The following TRMT1 variants were observed in gnomAD, a reference collection of about 807,000 sequenced individuals.
TRMT1 encodes the protein tRNA methyltransferase 1.
Under a neutral mutation model 75.4 loss-of-function variants are expected in TRMT1, and 63 were observed. The ratio of observed to expected loss-of-function variants is 0.84; its 90% CI spans 0.68 to 1.03. TRMT1 has a LOEUF of 1.03. TRMT1 is among the 50% of genes least tolerant of loss of function. The pLI is 0.00. For missense variants in TRMT1, 870 were observed against 905.3 expected (o/e 0.96, Z 0.50); for synonymous variants, 382 against 358.1 (o/e 1.07, Z -0.75).
intron 7 of TRMT1, 91 bp from the exon 8 acceptor site, chr19:13,110,397 G>C: frequency 7.1e-7 from 1 of 1,415,218 alleles, no homozygotes; most frequent in Non-Finnish European, 9.4e-7. Flanking sequence ...CAGGCTCAGG[G>C]CCAGCTCCCT....
rs530876556 is a variant in TRMT1, at chr19:13,109,799, G to A, written c.1146C>T (p.Pro382=). The change falls in exon 10 of 17, where the codon CCC becomes CCT. Residue 382 remains proline, a synonymous_variant. Transcript: ENST00000357720. ...GTCGTTGCCCACAGTGTTCACACTC[G>A]GGGGTCACAGGGGGACCACAGGCTG... ...FSAACGPPVT[P]ECEHCGQRHQ... 1.7e-5 allele frequency: 28 copies of A among 1,614,076 alleles called. No homozygotes were observed. The highest frequency in any genetic ancestry group is 1.6e-4 in the Middle Eastern group (1 of 6,062).
chr19:13,106,914 C>G (rs572019276), intron 14 of TRMT1, among the ~76,000 whole-genome samples: 18 of 151,318 alleles, frequency 1.2e-4, no homozygotes, highest in African/African-American at 4.4e-4. Flanking sequence ...GCTCTGCCCC[C>G]CGGGGTTCAC....
rs781204470 is a variant in TRMT1 at position 13,109,964 on chromosome 19, C to A, written c.1057G>T (p.Ala353Ser). The A allele has an allele frequency of 2.4e-5, 39 of 1,613,624 alleles. No homozygotes were observed. The highest frequency in any genetic ancestry group is 3.3e-5 in the Non-Finnish European group (39 of 1,179,946). ...TTGCCGAGACGCTGAAGGTGGAAGGCCCCGCAGCCCACACACTGGAACACC... is the reference window on the plus strand; with the variant it reads ...TTGCCGAGACGCTGAAGGTGGAAGGACCCGCAGCCCACACACTGGAACACC... The part of the protein sequence containing the change: ...ALVFQCVGCG[A>S]FHLQRLGKAS... The change falls in exon 9 of 17, where the codon GCC becomes TCC. Residue 353 changes from alanine (A) to serine (S), a missense_variant. Ala to Ser is a moderately conservative substitution (Grantham distance 99, BLOSUM62 1). Transcript: ENST00000357720.
In TRMT1 at chr19:13,116,151, G is replaced by A. The variant is rs937550287; in HGVS notation, c.249C>T (p.Asp83=). Residue 83 remains aspartate, a synonymous_variant, in exon 2 of 17, where the codon GAC becomes GAT. Coordinates refer to ENST00000357720, the MANE Select transcript of TRMT1 (RefSeq NM_001136035.4). ...FYNPVQEFNR[D]LTCAVITEFA... is the part of the protein sequence containing the mutation. ...AACGTCTGACCCCTGCTCACGTCAG[G>A]TCCCGATTGAATTCCTGCACCGGGT... 4 of 1,614,086 alleles carry A rather than the reference G, an allele frequency of 2.5e-6. No homozygotes were observed. Among genetic ancestry groups the A allele is most frequent in the Non-Finnish European group, 3.4e-6 (4 of 1,180,030 alleles).
chr19:13,113,085 G>T (rs915598439), intron 5 of TRMT1, 74 bp from the exon 6 acceptor site: 1 of 1,134,698 alleles, frequency 8.8e-7, no homozygotes, highest in Admixed American at 2.7e-5. Context: ...ATATTAACTC[G>T]TACAGCACAG....
chr19:13,109,332 GCCACCCT>G, intron 12 of TRMT1, 42 bp downstream of exon 12: 6 of 1,601,528 alleles, frequency 3.7e-6, no homozygotes, highest in Non-Finnish European at 5.1e-6. Flanking sequence ...CTTGCCCCAG[GCCACCCT>G]GTGGTCTGGG....
chr19:13,105,141 C>A, intron 16 of TRMT1, 60 bp from the exon 17 acceptor site: 1 of 1,548,236 alleles, frequency 6.5e-7, no homozygotes, highest in Non-Finnish European at 8.7e-7. Context: ...CTGATGGGAT[C>A]CTTTCCTGGG....
intron 12 of TRMT1, among the ~76,000 whole-genome samples, chr19:13,108,288 C>CTTT (rs2018974783): frequency 7.1e-6 from 1 of 140,412 alleles, no homozygotes; most frequent in African/African-American, 2.7e-5. Flanking sequence ...CGTGCCTGGC[C>CTTT]TTCTTATTTA....
chr19:13,115,731 G>A lies in TRMT1; in HGVS notation c.348C>T (p.Val116=), dbSNP rs1225142504. The part of the protein sequence containing the change: ...VPGEKDTQKV[V]VDLSEQEEEK... ...CCTCCTCTTGCTCTGACAAGTCCAC[G>A]ACCACTTTTTGCGTGTCCTTCTCTC... Residue 116 remains valine, a synonymous_variant, in exon 4 of 17, where the codon GTC becomes GTT. Coordinates refer to ENST00000357720, the MANE Select transcript of TRMT1 (RefSeq NM_001136035.4). The A allele has an allele frequency of 1.2e-6, 2 of 1,613,782 alleles. No homozygotes were observed. Among genetic ancestry groups the A allele is most frequent in the Admixed American group, 1.7e-5 (1 of 59,986 alleles).
Position 13,115,393 on chromosome 19 carries a change from C to T in TRMT1, c.527G>A (p.Gly176Glu), listed in dbSNP as rs1301740314. 2 of 1,614,106 alleles carry T rather than the reference C, an allele frequency of 1.2e-6. No homozygotes were observed. The highest frequency in any genetic ancestry group is 8.5e-7 in the Non-Finnish European group (1 of 1,180,042). Residue 176 changes from glycine (G) to glutamate (E), a missense_variant, in exon 5 of 17, where the codon GGG becomes GAG. Gly to Glu is a moderately conservative substitution (Grantham distance 98, BLOSUM62 -2). Coordinates refer to ENST00000357720, the MANE Select transcript of TRMT1 (RefSeq NM_001136035.4). ...ATCGTTTGCAACCACAGATCTGAGCCCAGGCACCTCTAGGGCAAATCGAAT... is the reference window on the plus strand; with the variant it reads ...ATCGTTTGCAACCACAGATCTGAGCTCAGGCACCTCTAGGGCAAATCGAAT... Reference protein sequence around the residue: ...RSIRFALEVPGLRSVVANDAS... With the variant: ...RSIRFALEVPELRSVVANDAS...
In TRMT1 at chr19:13,105,359, T is replaced by A. The variant is rs1487317342; in HGVS notation, c.1741A>T (p.Arg581Trp). ...TCCTTCCGCTTGTTCTGAAGCAGCC[T>A]GCGTCTCTCCTCCATAGCTTCGTCG... The part of the protein sequence containing the change: ...AADEAMEERR[R>W]LLQNKRKEPP... Residue 581 changes from arginine to tryptophan, a missense_variant, in exon 16 of 17, where the codon AGG becomes TGG. Physicochemically the swap from Arg to Trp is moderately radical, Grantham distance 101 (BLOSUM62 -3). Coordinates refer to ENST00000357720, the MANE Select transcript of TRMT1 (RefSeq NM_001136035.4). The A allele has an allele frequency of 6.2e-7, 1 of 1,613,796 alleles. No individual in the cohort carries two copies. The highest frequency in any genetic ancestry group is 8.5e-7 in the Non-Finnish European group (1 of 1,180,028).
rs767856855 is a variant in TRMT1 at position 13,105,063 on chromosome 19, C to A, written c.1852G>T (p.Asp618Tyr). The A allele has an allele frequency of 1.0e-4, 160 of 1,594,510 alleles. No individual in the cohort carries two copies. The highest frequency in any genetic ancestry group is 1.3e-4 in the Non-Finnish European group (153 of 1,169,182). ...RFKEGTCQRG[D>Y]QCCYSHSPPT... ...GGGCTGTGGGAGTAGCAGCACTGGT[C>A]CCCGCGTTGACAGGTGCCCTGGTGG... The change falls in exon 17 of 17, where the codon GAC becomes TAC. Residue 618 changes from aspartate (D) to tyrosine (Y), a missense_variant. Physicochemically the swap from Asp to Tyr is radical, Grantham distance 160 (BLOSUM62 -3). Coordinates refer to ENST00000357720, the MANE Select transcript of TRMT1 (RefSeq NM_001136035.4).
In TRMT1 at chr19:13,109,955, G is replaced by A. The variant is rs1040565037; in HGVS notation, c.1066C>T (p.Leu356Phe). Residue 356 changes from leucine (L) to phenylalanine (F), a missense_variant, in exon 9 of 17, where the codon CTT (leucine) becomes TTT (phenylalanine). Physicochemically the swap from Leu to Phe is conservative, Grantham distance 22. Coordinates refer to ENST00000357720, the MANE Select transcript of TRMT1 (RefSeq NM_001136035.4). ...FQCVGCGAFH[L>F]QRLGKASGVP... is the part of the protein sequence containing the mutation. ...CCTGACGCTTTGCCGAGACGCTGAA[G>A]GTGGAAGGCCCCGCAGCCCACACAC... 3 of 1,613,858 alleles carry A rather than the reference G, an allele frequency of 1.9e-6. No homozygotes were observed. The highest frequency in any genetic ancestry group is 1.7e-6 in the Non-Finnish European group (2 of 1,179,960).
Position 13,116,640 on chromosome 19 carries a change from A to G in TRMT1, c.-33+13T>C. ...GTCCGAATCCCTCCCCGCGCTGCCT[A>G]GCCCGTCCTCACCTGCTCTCGTAGC... On this transcript the variant is annotated intron_variant, in intron 1 of 16. Transcript: ENST00000357720. The G allele has an allele frequency of 1.7e-6, 1 of 584,070 alleles. No homozygotes were observed. The highest frequency in any genetic ancestry group is 3.0e-6 in the Non-Finnish European group (1 of 334,574). 36.2% of individuals were successfully genotyped at this position (584,070 alleles called of 1,614,324 possible). A position where few individuals can be genotyped will look rare whatever the true frequency, so the allele number is the denominator to read the frequency against.
chr19:13,105,383 C>T lies in TRMT1; in HGVS notation c.1717G>A (p.Asp573Asn). ...CTGCGTCTCTCCTCCATAGCTTCGT[C>T]GGCCGCCTTGCCCCTGTGCGAGGGG... is the stretch of plus-strand genomic sequence containing the variant. ...PRARPGGKAADEAMEERRRLL... is the reference protein window; with the variant it reads ...PRARPGGKAANEAMEERRRLL... The change falls in exon 16 of 17, where the codon GAC becomes AAC. Residue 573 changes from aspartate (D) to asparagine (N), a missense_variant. Coordinates refer to ENST00000357720, the MANE Select transcript of TRMT1 (RefSeq NM_001136035.4). 3 of 1,613,726 alleles carry T rather than the reference C, an allele frequency of 1.9e-6. No homozygotes were observed. Among genetic ancestry groups the T allele is most frequent in the Non-Finnish European group, 2.5e-6 (3 of 1,180,002 alleles).
chr19:13,116,512 G>C, intron 1 of TRMT1, 81 bp from the exon 2 acceptor site: 1 of 1,414,480 alleles, frequency 7.1e-7, no homozygotes, highest in Non-Finnish European at 9.4e-7. Flanking sequence ...ATATCTATGA[G>C]GTAGGGACTA....
chr19:13,114,702 G>A (rs1367823772), intron 5 of TRMT1, among the ~76,000 whole-genome samples: 4 of 151,742 alleles, frequency 2.6e-5, no homozygotes, highest in East Asian at 1.9e-4. Context: ...TTAGCCAGGC[G>A]TGGTGGCACG....
intron 7 of TRMT1, among the ~76,000 whole-genome samples, chr19:13,111,713 T>C (rs908396645): frequency 2.0e-5 from 3 of 148,698 alleles, no homozygotes; most frequent in African/African-American, 7.5e-5. Context: ...TTTTTTCTTT[T>C]TTTTGAGACA....
rs79724100 is a variant in TRMT1 at position 13,110,272 on chromosome 19, C to T, written c.905G>A (p.Arg302His). Residue 302 changes from arginine (R) to histidine (H), a missense_variant, in exon 8 of 17, where the codon CGC becomes CAC. Transcript: ENST00000357720. ...LRIVLHSLDLRANCYQRFVVP... is the reference protein window; with the variant it reads ...LRIVLHSLDLHANCYQRFVVP... Reference sequence around the variant, plus strand: ...CACGAAGCGCTGGTAGCAGTTGGCGCGGAGGTCCAGGCTGTGCAGGACGAT... The same window carrying T: ...CACGAAGCGCTGGTAGCAGTTGGCGTGGAGGTCCAGGCTGTGCAGGACGAT... 1,170 of 1,612,290 alleles carry T rather than the reference C, an allele frequency of 7.3e-4. 23 individuals are homozygous for T. The East Asian group carries it at 0.025, about 35-fold the overall frequency.
Sources: allele counts gnomAD v4.1 joint callset (sites outside exome capture counted in the v4.1 genomes callset), GRCh38; gene constraint gnomAD v4.1.1; transcripts MANE v1.5; gene names NCBI Gene and HGNC (gene_info 2026-07-23, HGNC 2026-07-21).